Variants in CACNA2D3 observed in about 807,000 individuals in gnomAD.
CACNA2D3 encodes voltage-dependent calcium channel subunit alpha-2/delta-3.
A neutral mutation model predicts 160.6 loss-of-function variants in CACNA2D3; 60 were observed. That is an observed-to-expected ratio of 0.37 (90% confidence interval 0.30 to 0.46). CACNA2D3 has a LOEUF of 0.46. CACNA2D3 is among the 20% of genes least tolerant of loss of function. CACNA2D3 has a pLI of 1.00. For missense variants in CACNA2D3, 1,205 were observed against 1,365.0 expected, an observed-to-expected ratio of 0.88 and a Z score of 1.85; for synonymous variants, 558 against 492.9, an observed-to-expected ratio of 1.13 and a Z score of -1.75.
chr3:54,213,067 C>T (rs985579039), intron 2 of CACNA2D3, among the ~76,000 whole-genome samples: 3 of 152,214 alleles, frequency 2.0e-5, no homozygotes, highest in African/African-American at 7.2e-5. Flanking sequence ...GAATCTCCAC[C>T]ATCAATTGTT....
chr3:54,693,049 A>G (rs1397656871), intron 11 of CACNA2D3, among the ~76,000 whole-genome samples: 10 of 152,118 alleles, frequency 6.6e-5, no homozygotes, highest in Non-Finnish European at 7.4e-5. Context: ...CACCACCACC[A>G]CCAACAACAA....
intron 9 of CACNA2D3, among the ~76,000 whole-genome samples, chr3:54,588,250 TA>T (rs560645169): frequency 1.3e-5 from 2 of 152,158 alleles, no homozygotes. Context: ...AGGCATTTGA[TA>T]AAAAACACCC....
rs56816802 is a variant in CACNA2D3, at chr3:54,500,504, TCTTCCTTCCTTCCTTCCTTC to T, written c.382-2956_382-2937del. Among the ~76,000 whole-genome samples, 50 of 102,124 alleles carry T rather than the reference TCTTCCTTCCTTCCTTCCTTC, an allele frequency of 4.9e-4. No homozygotes were observed. In the East Asian group the frequency reaches 0.011, roughly 23 times the overall value. 67.0% of individuals were successfully genotyped at this position (102,124 alleles called of 152,430 possible). On this transcript the variant is annotated intron_variant, in intron 4 of 37. Transcript: ENST00000474759. ...TCCTTCCTATCTTCCTTCCTTCCTA[TCTTCCTTCCTTCCTTCCTTC>T]CTTCCTTCCTTCCTTCCTTCCTTCC...
At chr3:54,882,099 C>G (rs903246224) in intron 21 of CACNA2D3, among the ~76,000 whole-genome samples, 2 of 152,206 alleles carry the variant, frequency 1.3e-5, no homozygotes, top group African/African-American at 4.8e-5. Context: ...CCAGAGAACA[C>G]AGGCAACTCT....
At chr3:54,180,363 C>T (rs926103868) in intron 2 of CACNA2D3, among the ~76,000 whole-genome samples, 3 of 152,048 alleles carry the variant, frequency 2.0e-5, no homozygotes, top group South Asian at 2.1e-4. Context: ...CACAACAGCC[C>T]GAGAAGTCAG....
At chr3:54,788,197 T>TC (rs1240509905) in intron 13 of CACNA2D3, among the ~76,000 whole-genome samples, 4 of 152,236 alleles carry the variant, frequency 2.6e-5, no homozygotes, top group Non-Finnish European at 5.9e-5. Context: ...TTACTGTGGG[T>TC]CATAAGGGTT....
chr3:54,221,160 A>T (rs1179742507), intron 2 of CACNA2D3, among the ~76,000 whole-genome samples: 1 of 152,178 alleles, frequency 6.6e-6, no homozygotes, highest in Non-Finnish European at 1.5e-5. Flanking sequence ...AGATATTAGC[A>T]CCCACCTGTG....
chr3:54,897,075 C>G, intron 26 of CACNA2D3: 1 of 519,476 alleles, frequency 1.9e-6, no homozygotes, highest in Non-Finnish European at 3.4e-6. Context: ...TTTCCTTTAC[C>G]AAATTATGTA....
chr3:54,819,190 C>T (rs1490220829), intron 14 of CACNA2D3, among the ~76,000 whole-genome samples: 1 of 152,170 alleles, frequency 6.6e-6, no homozygotes, highest in African/African-American at 2.4e-5. Context: ...GTGGTGGTTC[C>T]ATTTTGGCCT....
intron 4 of CACNA2D3, among the ~76,000 whole-genome samples, chr3:54,465,075 G>T (rs1700595912): frequency 1.3e-5 from 2 of 148,916 alleles, no homozygotes; most frequent in African/African-American, 5.0e-5. Flanking sequence ...GGTCTGCCTG[G>T]GTTATTTCAA....
intron 5 of CACNA2D3, among the ~76,000 whole-genome samples, chr3:54,507,420 C>A (rs1035146652): frequency 6.6e-6 from 1 of 152,174 alleles, no homozygotes; most frequent in African/African-American, 2.4e-5. Context: ...CTTTCCTTCT[C>A]TACTTTAGGT....
chr3:54,701,364 G>C (rs927737515), intron 11 of CACNA2D3, among the ~76,000 whole-genome samples: 1 of 152,180 alleles, frequency 6.6e-6, no homozygotes, highest in African/African-American at 2.4e-5. Context: ...ATAGTTGTTT[G>C]TAAGGAATTT....
At chr3:55,010,349 G>A (rs1464517948) in intron 34 of CACNA2D3, among the ~76,000 whole-genome samples, 1 of 151,936 alleles carries the variant, frequency 6.6e-6, no homozygotes, top group Non-Finnish European at 1.5e-5. Flanking sequence ...CAGTTGACCC[G>A]TATAAAAAAC....
At chr3:54,736,080 T>TATATATATATATATACATAC in intron 11 of CACNA2D3, among the ~76,000 whole-genome samples, 1 of 24,328 alleles carries the variant, frequency 4.1e-5, no homozygotes, top group African/African-American at 1.2e-4. Flanking sequence ...TATACATATA[T>TATATATATATATATACATAC]ATGTATGTGT....
chr3:54,362,129 T>C (rs1698753653), intron 3 of CACNA2D3, among the ~76,000 whole-genome samples: 1 of 152,150 alleles, frequency 6.6e-6, no homozygotes, highest in African/African-American at 2.4e-5. Flanking sequence ...ATGATGCCAG[T>C]TTATTGTCAT....
In CACNA2D3 at chr3:54,880,385, C is replaced by T. The variant is rs541084465; in HGVS notation, c.1845-411C>T. Among the ~76,000 whole-genome samples, 17 of 152,236 alleles carry T rather than the reference C, an allele frequency of 1.1e-4. No individual in the cohort carries two copies. The South Asian group carries it at 3.5e-3, about 32-fold the overall frequency. On this transcript the variant is annotated intron_variant, in intron 20 of 37. Coordinates refer to ENST00000474759, the MANE Select transcript of CACNA2D3 (RefSeq NM_018398.3). Reference sequence around the variant, plus strand: ...TAGTAGTGGAAGTTTTTGTTTTTGCCCTTGAGCAGGGGTCAATTTCCCGAG... The same window carrying T: ...TAGTAGTGGAAGTTTTTGTTTTTGCTCTTGAGCAGGGGTCAATTTCCCGAG...
intron 10 of CACNA2D3, among the ~76,000 whole-genome samples, chr3:54,634,031 A>C (rs532293162): frequency 6.6e-6 from 1 of 152,270 alleles, no homozygotes; most frequent in African/African-American, 2.4e-5. Flanking sequence ...CTATGCATCT[A>C]TCCAGTTATG....
chr3:54,460,736 C>T (rs1700487832), intron 4 of CACNA2D3, among the ~76,000 whole-genome samples: 1 of 152,182 alleles, frequency 6.6e-6, no homozygotes, highest in African/African-American at 2.4e-5. Context: ...GACAATTTGA[C>T]TTCCTGTTTT....
At chr3:54,201,481 C>T (rs190786895) in intron 2 of CACNA2D3, among the ~76,000 whole-genome samples, 2 of 152,256 alleles carry the variant, frequency 1.3e-5, no homozygotes, top group East Asian at 3.9e-4. Flanking sequence ...AGACTCCAAC[C>T]CTTATGGGTC....
Sources: allele counts gnomAD v4.1 joint callset (sites outside exome capture counted in the v4.1 genomes callset), GRCh38; gene constraint gnomAD v4.1.1; transcripts MANE v1.5; gene names NCBI Gene and HGNC (gene_info 2026-07-23, HGNC 2026-07-21).